Variants in TMEM164 observed in about 807,000 individuals in gnomAD.
TMEM164 encodes RP13-360B22.2.
TMEM164 carries 4 observed loss-of-function variants against 18.8 expected under a neutral mutation model. That is an observed-to-expected ratio of 0.21 (90% CI 0.10 to 0.49). The LOEUF is 0.49. Among genes scored for constraint, TMEM164 ranks in the 20% least tolerant of loss-of-function variants. The pLI is 0.98. For synonymous variants in TMEM164, 86 were observed against 101.7 expected (o/e 0.85, Z 0.93); for missense variants, 108 against 239.9 (o/e 0.45, Z 3.63).
chrX:110,093,782 G>A (rs911799000), intron 3 of TMEM164, among the ~76,000 whole-genome samples: 2 of 111,686 alleles, frequency 1.8e-5, no homozygotes, highest in Admixed American at 1.9e-4. Flanking sequence ...GTGATTTTAG[G>A]TGTCAATTTT....
chrX:110,009,504 C>T (rs1309692616), intron 2 of TMEM164, among the ~76,000 whole-genome samples: 3 of 51,136 alleles, frequency 5.9e-5, no homozygotes, highest in Non-Finnish European at 1.8e-4. Context: ...TGTTTCTCCA[C>T]CATTAGTGGG....
At chrX:110,154,810 G>A (rs1426192683) in intron 5 of TMEM164, among the ~76,000 whole-genome samples, 1 of 111,874 alleles carries the variant, frequency 8.9e-6, no homozygotes, top group African/African-American at 3.3e-5. Flanking sequence ...CAGACAGACT[G>A]TAGGTACAAA....
At chrX:110,011,403 G>A (rs924815127) in intron 2 of TMEM164, among the ~76,000 whole-genome samples, 1 of 111,676 alleles carries the variant, frequency 9.0e-6, no homozygotes, top group Non-Finnish European at 1.9e-5. Flanking sequence ...CTCCATGAAA[G>A]CAAGGACCCT....
chrX:110,152,056 C>CTTTTTTTTTTTTTTTTTTTTTTTTTT (rs755801649), intron 5 of TMEM164, among the ~76,000 whole-genome samples: 1 of 77,496 alleles, frequency 1.3e-5, no homozygotes, highest in African/African-American at 5.4e-5. Flanking sequence ...CTTTTCTTTT[C>CTTTTTTTTTTTTTTTTTTTTTTTTTT]TTTTTTTTTT....
chrX:110,084,834 A>G (rs1199233486), intron 3 of TMEM164, among the ~76,000 whole-genome samples: 1 of 109,767 alleles, frequency 9.1e-6, no homozygotes, highest in Admixed American at 9.9e-5. Context: ...TTTGGCTTCC[A>G]TACTATTAAT....
At chrX:110,009,307 C>A (rs779061117) in intron 2 of TMEM164, among the ~76,000 whole-genome samples, 10 of 112,217 alleles carry the variant, frequency 8.9e-5, no homozygotes, top group South Asian at 3.7e-4. Context: ...CTCTACGAAA[C>A]CTTTCCATAG....
chrX:110,017,599 C>G (rs1422393728), intron 2 of TMEM164, among the ~76,000 whole-genome samples: 1 of 89,996 alleles, frequency 1.1e-5, no homozygotes, highest in Non-Finnish European at 2.2e-5. Flanking sequence ...GACGGAGTTT[C>G]ACTCTTGTTG....
intron 4 of TMEM164, among the ~76,000 whole-genome samples, chrX:110,142,859 G>T (rs903970641): frequency 4.4e-5 from 5 of 112,839 alleles, no homozygotes; most frequent in African/African-American, 1.6e-4. Flanking sequence ...TGGACATTCA[G>T]GTGGAGACTT....
intron 4 of TMEM164, among the ~76,000 whole-genome samples, chrX:110,121,080 G>T (rs1481293011): frequency 8.9e-6 from 1 of 112,255 alleles, no homozygotes; most frequent in Non-Finnish European, 1.9e-5. Flanking sequence ...GATACCAAAA[G>T]ATAACAATGA....
intron 3 of TMEM164, among the ~76,000 whole-genome samples, chrX:110,071,070 T>G (rs1207023404): frequency 1.8e-5 from 2 of 111,707 alleles, no homozygotes; most frequent in African/African-American, 6.5e-5. Flanking sequence ...ATATTTTCTG[T>G]ACTCCTCCAT....
At chrX:110,038,964 T>G (rs1934973227) in intron 2 of TMEM164, among the ~76,000 whole-genome samples, 3 of 111,762 alleles carry the variant, frequency 2.7e-5, no homozygotes, top group Admixed American at 1.9e-4. Context: ...GTGGTATAGT[T>G]TAAGGGTTGA....
intron 5 of TMEM164, among the ~76,000 whole-genome samples, chrX:110,167,542 T>C (rs2067173048): frequency 1.8e-5 from 2 of 112,333 alleles, no homozygotes; most frequent in South Asian, 7.3e-4. Context: ...CCCCACTTGG[T>C]TTGTTTCCAG....
intron 4 of TMEM164, among the ~76,000 whole-genome samples, chrX:110,110,185 G>A (rs887810718): frequency 9.0e-6 from 1 of 110,875 alleles, no homozygotes; most frequent in African/African-American, 3.3e-5. Flanking sequence ...GCTATGCTTT[G>A]CTCCCTCTCC....
chrX:110,079,938 A>G (rs1166094638), intron 3 of TMEM164, among the ~76,000 whole-genome samples: 8 of 110,750 alleles, frequency 7.2e-5, no homozygotes, highest in Non-Finnish European at 1.5e-4. Flanking sequence ...TATGTAACTA[A>G]CCTACACATT....
intron 2 of TMEM164, among the ~76,000 whole-genome samples, chrX:110,058,486 TTTC>T (rs1156440204): frequency 2.7e-5 from 3 of 109,857 alleles, no homozygotes; most frequent in Non-Finnish European, 5.7e-5. Flanking sequence ...ATCTGTTAAT[TTTC>T]TTTTTTATTG....
intron 2 of TMEM164, among the ~76,000 whole-genome samples, chrX:110,018,026 T>C (rs997813279): frequency 3.6e-5 from 4 of 112,372 alleles, no homozygotes; most frequent in Non-Finnish European, 5.6e-5. Context: ...GTGTGCTCAC[T>C]GAGCCTGCAT....
At chrX:110,120,592 T>C (rs1459619507) in intron 4 of TMEM164, among the ~76,000 whole-genome samples, 1 of 112,313 alleles carries the variant, frequency 8.9e-6, no homozygotes, top group Admixed American at 9.5e-5. Flanking sequence ...ATTTATCATT[T>C]CTTTGTGTTG....
chrX:110,101,889 T>C (rs1307684358), intron 3 of TMEM164, among the ~76,000 whole-genome samples: 1 of 110,290 alleles, frequency 9.1e-6, no homozygotes, highest in Non-Finnish European at 1.9e-5. Flanking sequence ...TGCCTCTCTA[T>C]TGTTTTTCTT....
chrX:110,062,749 C>T (rs983001512), intron 2 of TMEM164, among the ~76,000 whole-genome samples: 3 of 111,699 alleles, frequency 2.7e-5, no homozygotes, highest in Non-Finnish European at 5.6e-5. Context: ...CTTGACATAA[C>T]GCGCAAGGCT....
Sources: gnomAD v4.1 joint callset for allele counts (sites outside exome capture counted in the v4.1 genomes callset) on GRCh38, gnomAD v4.1.1 for gene constraint, MANE v1.5 for transcripts, NCBI Gene and HGNC (gene_info 2026-07-23, HGNC 2026-07-21) for gene names.